Variants in KNL1 observed in about 807,000 individuals in gnomAD.
KNL1 encodes outer kinetochore KNL1 complex subunit KNL1.
Under a neutral mutation model 201.3 loss-of-function variants are expected in KNL1, and 66 were observed. That is an observed-to-expected ratio of 0.33 (90% CI 0.27 to 0.40). The LOEUF (loss-of-function observed/expected upper bound fraction) is 0.40, where lower values mean the gene tolerates loss of function less well. KNL1 is among the 10% of genes least tolerant of loss of function. The probability of loss-of-function intolerance (pLI) is 1.00; values close to 1 mark genes in which losing one functional copy is unlikely to be tolerated. For missense variants in KNL1, 2,815 were observed against 2,690.5 expected (o/e 1.05, Z -1.02); for synonymous variants, 895 against 899.2 (o/e 1.00, Z 0.08).
At chr15:40,602,994 A>C in intron 2 of KNL1, 28 bp downstream of exon 2, 1 of 1,414,656 alleles carries the variant, frequency 7.1e-7, no homozygotes, top group Non-Finnish European at 9.9e-7. Flanking sequence ...AGCTAAAAAT[A>C]TTATATTCTA....
chr15:40,633,692 C>A (rs879242277), intron 13 of KNL1, among the ~76,000 whole-genome samples: 1 of 151,980 alleles, frequency 6.6e-6, no homozygotes, highest in South Asian at 2.1e-4. Flanking sequence ...ATGCACAAGC[C>A]ACCACACCTG....
chr15:40,599,853 A>T (rs1891735482), intron 1 of KNL1, among the ~76,000 whole-genome samples: 2 of 142,004 alleles, frequency 1.4e-5, no homozygotes, highest in African/African-American at 5.3e-5. Context: ...AGGCTGGAGT[A>T]CAGTAGCTAT....
At chr15:40,602,856 T>C in intron 1 of KNL1, 59 bp from the exon 2 acceptor site, 2 of 929,304 alleles carry the variant, frequency 2.2e-6, no homozygotes, top group Non-Finnish European at 3.4e-6. Context: ...AATCTTTTCT[T>C]AGACTGTAGT....
At chr15:40,599,366 A>T (rs1446441097) in intron 1 of KNL1, among the ~76,000 whole-genome samples, 1 of 147,064 alleles carries the variant, frequency 6.8e-6, no homozygotes, top group African/African-American at 2.5e-5. Context: ...ACAGGAAAGG[A>T]TGTTAAAATT....
intron 25 of KNL1, among the ~76,000 whole-genome samples, chr15:40,661,677 C>G (rs1893912954): frequency 6.6e-6 from 1 of 152,168 alleles, no homozygotes; most frequent in Non-Finnish European, 1.5e-5. Context: ...CTCATTTGTG[C>G]TTCCTAGGAA....
Position 40,623,636 on chromosome 15 carries a change from T to A in KNL1, c.3372T>A (p.Asp1124Glu). 6.2e-7 allele frequency: 1 copy of A among 1,613,874 alleles called. No individual in the cohort carries two copies. Among genetic ancestry groups the A allele is most frequent in the Non-Finnish European group, 8.5e-7 (1 of 1,179,912 alleles). ...SKTILYSCGQ[D>E]DMEITRSHTT... is the part of the protein sequence containing the mutation. The stretch of plus-strand genomic sequence containing the variant: ...CTATTTTGTATTCATGTGGGCAGGA[T>A]GACATGGAGATCACTAGGAGTCACA... The change falls in exon 10 of 26, where the codon GAT (aspartate) becomes GAA (glutamate). Residue 1124 changes from aspartate to glutamate, a missense_variant. This residue lies in a region of KNL1 where 2,464 missense variants were observed against 2,291.7 expected (regional missense o/e 1.08). Transcript: ENST00000399668.
intron 8 of KNL1, 128 bp from the exon 9 acceptor site, chr15:40,618,831 T>G: frequency 1.8e-6 from 1 of 562,016 alleles, no homozygotes; most frequent in African/African-American, 1.9e-5. Context: ...ATTTAATACG[T>G]AAGTTCTTAA....
In KNL1 at chr15:40,623,064, A is replaced by G. The variant is rs1385683098; in HGVS notation, c.2800A>G (p.Ile934Val). The change falls in exon 10 of 26, where the codon ATA becomes GTA. Residue 934 changes from isoleucine (I) to valine (V), a missense_variant. Ile to Val is a conservative substitution (Grantham distance 29). Coordinates refer to ENST00000399668, the MANE Select transcript of KNL1 (RefSeq NM_144508.5). ...ATGTAAAACTGTCTCACCAGATGAA[A>G]TAACTACTAGGCCTATGGACAAAAC... Reference protein sequence around the residue: ...LECKTVSPDEITTRPMDKTVV... With the variant: ...LECKTVSPDEVTTRPMDKTVV... 1 of 1,614,002 alleles carries G rather than the reference A, an allele frequency of 6.2e-7. No individual in the cohort carries two copies. The highest frequency in any genetic ancestry group is 1.7e-5 in the Admixed American group (1 of 60,010).
At chr15:40,602,215 A>G (rs1171824807) in intron 1 of KNL1, among the ~76,000 whole-genome samples, 7 of 146,924 alleles carry the variant, frequency 4.8e-5, no homozygotes, top group African/African-American at 7.5e-5. Context: ...TTCTATTTTT[A>G]GTAGAGACGG....
At position 40,621,218 on chromosome 15, in the gene KNL1, T is replaced by G. The variant is rs1892513086; in HGVS notation, c.954T>G (p.Phe318Leu). 3.1e-6 allele frequency: 5 copies of G among 1,612,780 alleles called. No homozygotes were observed. The highest frequency in any genetic ancestry group is 4.2e-6 in the Non-Finnish European group (5 of 1,179,236). The part of the protein sequence containing the change: ...GNDITIYGND[F>L]MDLTFNHTLQ... The stretch of plus-strand genomic sequence containing the variant: ...ATATTACAATTTATGGCAATGACTT[T>G]ATGGACTTGACATTTAACCACACTT... Residue 318 changes from phenylalanine (F) to leucine (L), a missense_variant, in exon 10 of 26, where the codon TTT (phenylalanine) becomes TTG (leucine). Coordinates refer to ENST00000399668, the MANE Select transcript of KNL1 (RefSeq NM_144508.5).
chr15:40,619,839 T>A (rs1892457805), intron 9 of KNL1, among the ~76,000 whole-genome samples: 4 of 152,234 alleles, frequency 2.6e-5, no homozygotes, highest in African/African-American at 9.6e-5. Context: ...GTGTTTTTAA[T>A]TTTTTAGTCA....
intron 13 of KNL1, among the ~76,000 whole-genome samples, chr15:40,630,297 A>G (rs1892875814): frequency 6.6e-6 from 1 of 152,120 alleles, no homozygotes; most frequent in South Asian, 2.1e-4. Flanking sequence ...AGTTAGTTAT[A>G]CTCTTGGCCA....
At chr15:40,661,230 T>C (rs1435780939) in intron 25 of KNL1, among the ~76,000 whole-genome samples, 4 of 151,704 alleles carry the variant, frequency 2.6e-5, no homozygotes, top group Non-Finnish European at 4.4e-5. Context: ...TGGTGGCTCA[T>C]GCCTGTAATC....
Position 40,646,990 on chromosome 15 carries a change from G to T in KNL1, c.6010G>T (p.Glu2004Ter). ...GTCTATAATCTTTTGTATTTAGAATGAGAGGGAGAAACTTCAAATAAAGAT... is the reference window on the plus strand; with the variant it reads ...GTCTATAATCTTTTGTATTTAGAATTAGAGGGAGAAACTTCAAATAAAGAT... ...YGKLVQSAQN[E>*]REKLQIKIDE... Residue 2004 changes from glutamate (E) to a stop codon, truncating the protein, a stop_gained, in exon 17 of 26, where the codon GAG becomes TAG. Transcript: ENST00000399668. LOFTEE classifies it high-confidence loss of function. The T allele has an allele frequency of 2.2e-6, 3 of 1,338,984 alleles. No homozygotes were observed. The highest frequency in any genetic ancestry group is 2.3e-5 in the South Asian group (2 of 85,246). 82.9% of individuals were successfully genotyped at this position (1,338,984 alleles called of 1,614,324 possible).
chr15:40,650,467 A>G (rs547794529), intron 18 of KNL1, 77 bp from the exon 19 acceptor site: 12 of 1,566,290 alleles, frequency 7.7e-6, no homozygotes, highest in Non-Finnish European at 9.5e-6. Flanking sequence ...ATTAAGTCAG[A>G]ATTTTCAATA....
intron 25 of KNL1, among the ~76,000 whole-genome samples, chr15:40,661,181 C>T (rs1893897482): frequency 6.6e-6 from 1 of 151,762 alleles, no homozygotes; most frequent in Admixed American, 6.6e-5. Context: ...TGACACCAGC[C>T]TGGCCAACAT....
chr15:40,599,182 G>C (rs767787989), intron 1 of KNL1, among the ~76,000 whole-genome samples: 1 of 151,326 alleles, frequency 6.6e-6, no homozygotes, highest in African/African-American at 2.4e-5. Flanking sequence ...GCTGAGCATG[G>C]TGGCGGGTGC....
chr15:40,654,822 C>G (rs775414073), intron 21 of KNL1, 87 bp from the exon 22 acceptor site: 2 of 938,662 alleles, frequency 2.1e-6, no homozygotes, highest in Non-Finnish European at 3.4e-6. Flanking sequence ...TGGGCCAAGA[C>G]TGCGCCATTG....
At position 40,650,594 on chromosome 15, in the gene KNL1, A is replaced by T; in HGVS notation, c.6212+11A>T. On this transcript the variant is annotated intron_variant, in intron 19 of 25. Coordinates refer to ENST00000399668, the MANE Select transcript of KNL1 (RefSeq NM_144508.5). The stretch of plus-strand genomic sequence containing the variant: ...AGAGGAGCTTCAAAGGTCAGCCTTC[A>T]ATCCAAGTGTTAGAAAATATAATGC... 1 of 1,556,006 alleles carries T rather than the reference A, an allele frequency of 6.4e-7. No homozygotes were observed.
Sources: allele counts gnomAD v4.1 joint callset (sites outside exome capture counted in the v4.1 genomes callset), GRCh38; gene constraint gnomAD v4.1.1; regional missense constraint gnomAD v4.1.1; transcripts MANE v1.5; gene names NCBI Gene and HGNC (gene_info 2026-07-23, HGNC 2026-07-21).